TTYH3: variants seen among roughly 807,000 people sequenced by gnomAD.
TTYH3 encodes the protein protein tweety homolog 3.
In TTYH3, 23 loss-of-function variants were observed where a neutral mutation model predicts 68.2. That is an observed-to-expected ratio of 0.34 (90% CI 0.24 to 0.48). The LOEUF is 0.48. Ranked by LOEUF, TTYH3 falls within the 20% of genes least tolerant of loss-of-function variation. The probability of loss-of-function intolerance (pLI) is 0.99; values close to 1 mark genes in which losing one functional copy is unlikely to be tolerated. For synonymous variants in TTYH3, 360 were observed against 332.8 expected, an observed-to-expected ratio of 1.08 and a Z score of -0.89; for missense variants, 768 against 727.7, an observed-to-expected ratio of 1.06 and a Z score of -0.64.
chr7:2,648,238 C>T, intron 5 of TTYH3, 184 bp downstream of exon 5: 1 of 601,272 alleles, frequency 1.7e-6, no homozygotes. Flanking sequence ...GCCTGTGCCC[C>T]TGTGGCCAGC....
Position 2,646,935 on chromosome 7 carries a change from G to C in TTYH3, c.206G>C (p.Cys69Ser). The change falls in exon 2 of 14, where the codon TGC becomes TCC. Residue 69 changes from cysteine (C) to serine (S), a missense_variant. By Grantham distance (112) the Cys-to-Ser change is moderately radical (BLOSUM62 -1). Transcript: ENST00000258796. Reference sequence around the variant, plus strand: ...CTGCTCTTCTACTCCTTCTGGCTGTGCTGCCGGCGGCGCAAGAGCGAGGAG... The same window carrying C: ...CTGCTCTTCTACTCCTTCTGGCTGTCCTGCCGGCGGCGCAAGAGCGAGGAG... ...LFLLFYSFWL[C>S]CRRRKSEEHL... 1 of 1,600,810 alleles carries C rather than the reference G, an allele frequency of 6.2e-7. No homozygotes were observed. The highest frequency in any genetic ancestry group is 8.5e-7 in the Non-Finnish European group (1 of 1,178,952).
At position 2,662,162 on chromosome 7, in the gene TTYH3, T is replaced by C. The variant is rs543480936; in HGVS notation, c.*423T>C. 2 of 323,252 alleles carry C rather than the reference T, an allele frequency of 6.2e-6. No individual in the cohort carries two copies. Among genetic ancestry groups the C allele is most frequent in the East Asian group, 1.7e-4 (2 of 12,036 alleles). The allele number at this position is 323,252 out of a possible 1,614,324, so 20.0% of individuals were successfully genotyped here. A position where few individuals can be genotyped will look rare whatever the true frequency, so the allele number is the denominator to read the frequency against. On this transcript the variant is annotated 3_prime_UTR_variant, in exon 14 of 14. Transcript: ENST00000258796. ...CACAGGCACGGCTGGGGCCGCTCTGTGCTGGCGCCTGCTGGCCACTGAGGG... is the reference window on the plus strand; with the variant it reads ...CACAGGCACGGCTGGGGCCGCTCTGCGCTGGCGCCTGCTGGCCACTGAGGG...
intron 1 of TTYH3, among the ~76,000 whole-genome samples, chr7:2,633,755 C>G (rs903049241): frequency 6.6e-5 from 10 of 152,348 alleles, no homozygotes; most frequent in African/African-American, 2.4e-4. Flanking sequence ...AGTTCTTAAG[C>G]TCCGGGGCAG....
intron 1 of TTYH3, among the ~76,000 whole-genome samples, chr7:2,639,418 G>A (rs146750353): frequency 6.6e-6 from 1 of 152,204 alleles, no homozygotes; most frequent in East Asian, 1.9e-4. Flanking sequence ...TCCCCACAAC[G>A]GGAGTTTCAG....
In TTYH3 at chr7:2,646,979, T is replaced by A. The variant is rs770958959; in HGVS notation, c.250T>A (p.Cys84Ser). The change falls in exon 2 of 14, where the codon TGC becomes AGC. Residue 84 changes from cysteine to serine, a missense_variant. Coordinates refer to ENST00000258796, the MANE Select transcript of TTYH3 (RefSeq NM_025250.3). ...KSEEHLDADC[C>S]CTAWCVIIAT... ...CGAGGAGCACCTGGACGCCGACTGC[T>A]GCTGCACGGCCTGGTGTGTCATCAT... The A allele has an allele frequency of 4.2e-5, 67 of 1,592,596 alleles. No individual in the cohort carries two copies. Among genetic ancestry groups the A allele is most frequent in the Non-Finnish European group, 5.7e-5 (67 of 1,174,110 alleles).
intron 1 of TTYH3, among the ~76,000 whole-genome samples, chr7:2,633,439 GC>G (rs1562704561): frequency 6.6e-6 from 1 of 152,208 alleles, no homozygotes; most frequent in South Asian, 2.1e-4. Context: ...TTGCACCCAG[GC>G]CCCCCAGCCG....
chr7:2,633,640 T>C (rs2114968080), intron 1 of TTYH3, among the ~76,000 whole-genome samples: 1 of 152,344 alleles, frequency 6.6e-6, no homozygotes, highest in South Asian at 2.1e-4. Flanking sequence ...ACTTATTCCA[T>C]GCTGATGGCT....
Position 2,645,652 on chromosome 7 carries a change from A to G in TTYH3, c.124-1201A>G. On this transcript the variant is annotated intron_variant, in intron 1 of 13. Transcript: ENST00000258796. The surrounding 1 kb of genome is among the most constrained non-coding windows in gnomAD (Gnocchi z 4.8). The stretch of plus-strand genomic sequence containing the variant: ...GTAGCAGTGTGGGGCCAGCCCCACC[A>G]TCTCATCCAGCGTGGGGGCACGCCA... 2.5e-6 allele frequency: 1 copy of G among 395,234 alleles called. No individual in the cohort carries two copies. Among genetic ancestry groups the G allele is most frequent in the Non-Finnish European group, 5.3e-6 (1 of 190,166 alleles). The allele number at this position is 395,234 out of a possible 1,614,324, so 24.5% of individuals were successfully genotyped here.
chr7:2,638,357 G>T (rs1452307078), intron 1 of TTYH3, among the ~76,000 whole-genome samples: 2 of 152,200 alleles, frequency 1.3e-5, no homozygotes, highest in Non-Finnish European at 2.9e-5. Context: ...TTGCACGAGG[G>T]GGAGGGCGGG....
At chr7:2,660,524 A>T (rs1475325771) in intron 13 of TTYH3, 30 of 985,014 alleles carry the variant, frequency 3.0e-5, no homozygotes, top group Admixed American at 6.2e-5. Flanking sequence ...GGGCTCCTTC[A>T]GGGGTCTGCG....
chr7:2,658,346 C>T lies in TTYH3; in HGVS notation c.1311C>T (p.Ser437=), dbSNP rs1346003590. Residue 437 remains serine, a synonymous_variant, in exon 12 of 14, where the codon AGC becomes AGT. Coordinates refer to ENST00000258796, the MANE Select transcript of TTYH3 (RefSeq NM_025250.3). ...CAGGGCCGCGGCAGGCGCACGACAG[C>T]CTCTACCGCGTCCACATGCCCAGCC... ...AAPGPRQAHD[S]LYRVHMPSLY... 2 of 1,609,030 alleles carry T rather than the reference C, an allele frequency of 1.2e-6. No individual in the cohort carries two copies. Among genetic ancestry groups the T allele is most frequent in the South Asian group, 2.2e-5 (2 of 90,564 alleles).
At chr7:2,632,441 G>A (rs1785547716) in intron 1 of TTYH3, among the ~76,000 whole-genome samples, 163 bp downstream of exon 1, 1 of 151,342 alleles carries the variant, frequency 6.6e-6, no homozygotes, top group African/African-American at 2.4e-5. Flanking sequence ...CTTCCTTCTC[G>A]AGGGTCCCTT....
rs186386964 is a variant in TTYH3, at chr7:2,648,300, G to A, written c.722+246G>A. The A allele has an allele frequency of 7.7e-3, 3,821 of 495,824 alleles. 24 individuals carry two copies. Among genetic ancestry groups the A allele is most frequent in the South Asian group, 0.012 (399 of 33,242 alleles). The allele number at this position is 495,824 out of a possible 1,614,324, so 30.7% of individuals were successfully genotyped here. On this transcript the variant is annotated intron_variant, in intron 5 of 13. Coordinates refer to ENST00000258796, the MANE Select transcript of TTYH3 (RefSeq NM_025250.3). ...TGATTTCCTGCAAGAGTCTGCACGTGGGGCACTTGTAGCCCAGGACCTGAA... is the reference window on the plus strand; with the variant it reads ...TGATTTCCTGCAAGAGTCTGCACGTAGGGCACTTGTAGCCCAGGACCTGAA...
At chr7:2,652,263 G>T in intron 8 of TTYH3, 21 bp downstream of exon 8, 2 of 1,608,906 alleles carry the variant, frequency 1.2e-6, no homozygotes, top group Non-Finnish European at 1.7e-6. Context: ...GGGAGGCCGG[G>T]ACTGGGCTTC....
At position 2,632,613 on chromosome 7, in the gene TTYH3, C is replaced by T. The variant is rs539309862; in HGVS notation, c.123+335C>T. On this transcript the variant is annotated intron_variant, in intron 1 of 13. Coordinates refer to ENST00000258796, the MANE Select transcript of TTYH3 (RefSeq NM_025250.3). ...TTCATGGAGCTGCCTCTCCCCACTC[C>T]GTGAGCCCCCTTGGCCAGTGGAGGG... is the stretch of plus-strand genomic sequence containing the variant. 9.8e-5 allele frequency among the ~76,000 whole-genome samples: 15 copies of T among 152,366 alleles called. No individual in the cohort carries two copies. The South Asian group carries it at 2.9e-3, about 29-fold the overall frequency.
intron 8 of TTYH3, among the ~76,000 whole-genome samples, chr7:2,652,555 C>G (rs971134579): frequency 6.6e-6 from 1 of 152,180 alleles, no homozygotes; most frequent in African/African-American, 2.4e-5. Flanking sequence ...GTAGGGTAAC[C>G]GTGTTCAGGC....
At chr7:2,655,764 T>C (rs940695519) in intron 9 of TTYH3, among the ~76,000 whole-genome samples, 1 of 152,242 alleles carries the variant, frequency 6.6e-6, no homozygotes, top group Non-Finnish European at 1.5e-5. Flanking sequence ...AGCAGGTCCG[T>C]GTCAGTAGAC....
intron 13 of TTYH3, chr7:2,660,382 C>T (rs1438032366): frequency 4.1e-6 from 4 of 985,312 alleles, no homozygotes; most frequent in African/African-American, 1.7e-5. Flanking sequence ...TGCCCGGGCC[C>T]CTGGGCATGT....
intron 13 of TTYH3, among the ~76,000 whole-genome samples, chr7:2,659,285 A>G (rs546568334): frequency 6.6e-6 from 1 of 152,260 alleles, no homozygotes; most frequent in Non-Finnish European, 1.5e-5. Context: ...CCTCGGGACC[A>G]GCCGCCCAGG....
Sources: gnomAD v4.1 joint callset for allele counts (sites outside exome capture counted in the v4.1 genomes callset) on GRCh38, gnomAD v4.1.1 for gene constraint, Gnocchi (gnomAD v3.1) non-coding constraint, MANE v1.5 for transcripts, NCBI Gene and HGNC (gene_info 2026-07-23, HGNC 2026-07-21) for gene names.